TMEM132C: variants seen among roughly 807,000 people sequenced by gnomAD.
TMEM132C encodes transmembrane protein 132C.
Under a neutral mutation model 61.4 loss-of-function variants are expected in TMEM132C, and 29 were observed. The observed-to-expected ratio is 0.47, with a 90% confidence interval of 0.35 to 0.64. TMEM132C has a LOEUF of 0.64. Among genes scored for constraint, TMEM132C ranks in the 30% least tolerant of loss-of-function variants. The pLI is 0.00. For missense variants in TMEM132C, 1,408 were observed against 1,476.9 expected (o/e 0.95, Z 0.76); for synonymous variants, 656 against 633.1 (o/e 1.04, Z -0.54).
At chr12:128,454,975 G>T (rs1340743105) in intron 2 of TMEM132C, among the ~76,000 whole-genome samples, 1 of 152,188 alleles carries the variant, frequency 6.6e-6, no homozygotes, top group East Asian at 1.9e-4. Context: ...TTGCCTGTGG[G>T]CAGTGGCAGG....
Position 128,592,859 on chromosome 12 carries a change from G to T in TMEM132C, c.1122-23293G>T, listed in dbSNP as rs116653419. ...ATCAGGAGGCCTGGGCCCTTCTCAG[G>T]GTGAGCCGCTGCCTTTGGGATCCTA... On this transcript the variant is annotated intron_variant, in intron 3 of 8. Coordinates refer to ENST00000435159, the MANE Select transcript of TMEM132C (RefSeq NM_001136103.3). 2.4e-3 allele frequency among the ~76,000 whole-genome samples: 372 copies of T among 152,286 alleles called. 2 individuals are homozygous for T. The highest frequency in any genetic ancestry group is 8.1e-3 in the African/African-American group (336 of 41,568).
In TMEM132C at chr12:128,693,846, C is replaced by T; in HGVS notation, c.1467C>T (p.Asp489=). Residue 489 remains aspartate (D), a synonymous_variant, in exon 6 of 9, where the codon GAC becomes GAT. Transcript: ENST00000435159. ...CTTTGCAGGTGTCTGAGCGCTGTGA[C>T]TACATCTTTGTCAATGGCAAAGAGA... is the stretch of plus-strand genomic sequence containing the variant. ...EDVIKVSERC[D]YIFVNGKEIK... is the part of the protein sequence containing the mutation. 2 of 1,551,770 alleles carry T rather than the reference C, an allele frequency of 1.3e-6. No individual in the cohort carries two copies. Among genetic ancestry groups the T allele is most frequent in the Non-Finnish European group, 8.7e-7 (1 of 1,147,004 alleles).
chr12:128,433,137 T>C (rs1003130216), intron 2 of TMEM132C, among the ~76,000 whole-genome samples: 2 of 152,228 alleles, frequency 1.3e-5, no homozygotes, highest in African/African-American at 4.8e-5. Flanking sequence ...CACCATGCTG[T>C]TGCACACTTA....
intron 2 of TMEM132C, among the ~76,000 whole-genome samples, chr12:128,480,816 T>C (rs1300963272): frequency 1.3e-5 from 2 of 152,198 alleles, no homozygotes; most frequent in Non-Finnish European, 2.9e-5. Flanking sequence ...TTACAAATTA[T>C]CTGAGCAGGA....
At chr12:128,466,699 G>C (rs199814299) in intron 2 of TMEM132C, among the ~76,000 whole-genome samples, 1 of 152,206 alleles carries the variant, frequency 6.6e-6, no homozygotes, top group East Asian at 1.9e-4. Flanking sequence ...TTTTTTGTTT[G>C]TAGAGATAGG....
intron 3 of TMEM132C, among the ~76,000 whole-genome samples, chr12:128,545,098 C>T (rs898365976): frequency 6.6e-6 from 1 of 152,162 alleles, no homozygotes; most frequent in African/African-American, 2.4e-5. Context: ...CCGAATAGGT[C>T]GTTTTTCAGC....
At chr12:128,519,135 C>T (rs557281614) in intron 2 of TMEM132C, among the ~76,000 whole-genome samples, 2 of 152,260 alleles carry the variant, frequency 1.3e-5, no homozygotes, top group East Asian at 3.9e-4. Flanking sequence ...CTTTGCATTA[C>T]TTAATTTTCC....
intron 3 of TMEM132C, among the ~76,000 whole-genome samples, chr12:128,555,890 T>G (rs557697141): frequency 1.2e-3 from 187 of 152,178 alleles, no homozygotes; most frequent in Middle Eastern, 3.4e-3. Context: ...AGTTTTTGTT[T>G]TTTTGTGTGT....
chr12:128,346,407 G>T (rs1873161328), intron 1 of TMEM132C, among the ~76,000 whole-genome samples: 3 of 152,060 alleles, frequency 2.0e-5, no homozygotes, highest in African/African-American at 7.2e-5. Flanking sequence ...TGTTCCATAT[G>T]AATTTTAAAA....
At chr12:128,498,400 G>A (rs147653955) in intron 2 of TMEM132C, among the ~76,000 whole-genome samples, 5 of 152,284 alleles carry the variant, frequency 3.3e-5, no homozygotes, top group South Asian at 2.1e-4. Context: ...AGAAGGCTGG[G>A]TACAGTGGCT....
At chr12:128,483,119 T>A (rs939903322) in intron 2 of TMEM132C, among the ~76,000 whole-genome samples, 3 of 149,666 alleles carry the variant, frequency 2.0e-5, no homozygotes, top group Admixed American at 1.3e-4. Context: ...AATTAAAAAA[T>A]TAGCTGGGCA....
chr12:128,289,135 CACTG>C (rs1450380510), intron 1 of TMEM132C: 1 of 145,210 alleles, frequency 6.9e-6, no homozygotes, highest in Non-Finnish European at 1.5e-5. Flanking sequence ...CGCTAACACA[CACTG>C]TAATGCATAC....
chr12:128,517,047 C>G (rs903601845), intron 2 of TMEM132C, among the ~76,000 whole-genome samples: 5 of 149,210 alleles, frequency 3.4e-5, no homozygotes, highest in African/African-American at 1.0e-4. Context: ...CACAGTGACA[C>G]CTGTCTCTGC....
intron 2 of TMEM132C, among the ~76,000 whole-genome samples, chr12:128,456,273 G>C (rs545137960): frequency 6.6e-6 from 1 of 150,944 alleles, no homozygotes; most frequent in Non-Finnish European, 1.5e-5. Flanking sequence ...CGTGATTTGC[G>C]TGGACTTTTC....
chr12:128,706,137 A>G lies in TMEM132C; in HGVS notation c.3169A>G (p.Thr1057Ala). 2 of 1,551,654 alleles carry G rather than the reference A, an allele frequency of 1.3e-6. No individual in the cohort carries two copies. The highest frequency in any genetic ancestry group is 1.7e-6 in the Non-Finnish European group (2 of 1,146,992). The part of the protein sequence containing the change: ...PTSKRKKVKF[T>A]TFTTIPPDDS... ...CTCCAAGAGGAAGAAGGTGAAATTT[A>G]CCACCTTTACCACCATCCCCCCGGA... Residue 1057 changes from threonine (T) to alanine (A), a missense_variant, in exon 9 of 9, where the codon ACC (threonine) becomes GCC (alanine). Physicochemically the swap from Thr to Ala is moderately conservative, Grantham distance 58. Transcript: ENST00000435159.
At chr12:128,628,931 T>A (rs1256265294) in intron 4 of TMEM132C, among the ~76,000 whole-genome samples, 2 of 152,258 alleles carry the variant, frequency 1.3e-5, no homozygotes, top group Non-Finnish European at 2.9e-5. Flanking sequence ...TACAGCCTCA[T>A]AATTATGTCA....
At chr12:128,345,832 A>G (rs1008820478) in intron 1 of TMEM132C, among the ~76,000 whole-genome samples, 1 of 151,658 alleles carries the variant, frequency 6.6e-6, no homozygotes, top group East Asian at 1.9e-4. Flanking sequence ...CCTATTCTGT[A>G]TGTTGTCTGT....
chr12:128,658,117 AGG>A, intron 4 of TMEM132C, among the ~76,000 whole-genome samples: 1 of 95,584 alleles, frequency 1.0e-5, no homozygotes, highest in Non-Finnish European at 2.2e-5. Context: ...AGGCAGGAGC[AGG>A]GACGCAGCTC....
At chr12:128,400,189 C>G (rs572613423) in intron 1 of TMEM132C, 1 of 152,310 alleles carries the variant, frequency 6.6e-6, no homozygotes, top group Non-Finnish European at 1.5e-5. Context: ...AGGTGAGATC[C>G]AGGCGAGCTT....
Sources: allele counts gnomAD v4.1 joint callset (sites outside exome capture counted in the v4.1 genomes callset), GRCh38; gene constraint gnomAD v4.1.1; transcripts MANE v1.5; gene names NCBI Gene and HGNC (gene_info 2026-07-23, HGNC 2026-07-21).